The following QKI variants were observed in gnomAD, a reference collection of about 807,000 sequenced individuals.
The protein encoded by QKI is KH domain-containing RNA-binding protein QKI.
In QKI, 10 loss-of-function variants were observed where a neutral mutation model predicts 39.0. That is an observed-to-expected ratio of 0.26 (90% CI 0.16 to 0.43). QKI has a LOEUF of 0.43. QKI is among the 20% of genes least tolerant of loss of function. The pLI is 1.00. For synonymous variants in QKI, 204 were observed against 155.4 expected (o/e 1.31, Z -2.33); for missense variants, 218 against 428.0 (o/e 0.51, Z 4.33).
At position 163,414,731 on chromosome 6, in the gene QKI, GGCGGCA is replaced by G. The variant is rs1193822903; in HGVS notation, c.-455_-450del. Reference sequence around the variant, plus strand: ...AAGAGGAGGAGCGCAGTCGGAGCGCGGCGGCAGCGGCAGAGGCGCCGCGGCGGGGAC... The same window carrying G: ...AAGAGGAGGAGCGCAGTCGGAGCGCGGCGGCAGAGGCGCCGCGGCGGGGAC... On this transcript the variant is annotated 5_prime_UTR_variant, in exon 1 of 8. Transcript: ENST00000361752. The G allele has an allele frequency of 6.7e-6, 1 of 149,602 alleles. No individual in the cohort carries two copies. The highest frequency in any genetic ancestry group is 1.5e-5 in the Non-Finnish European group (1 of 67,616). 9.3% of individuals were successfully genotyped at this position (149,602 alleles called of 1,614,324 possible). A position where few individuals can be genotyped will look rare whatever the true frequency, so the allele number is the denominator to read the frequency against.
Position 163,515,909 on chromosome 6 carries a change from C to G in QKI, c.403-19073C>G, listed in dbSNP as rs986654428. ...TTCACTTTTTATTTTTATCTCAAAT[C>G]GGTCACCTCTTTGTGGTATAAGCTG... On this transcript the variant is annotated intron_variant, in intron 3 of 7. Coordinates refer to ENST00000361752, the MANE Select transcript of QKI (RefSeq NM_006775.3). Among the ~76,000 whole-genome samples the G allele has an allele frequency of 1.2e-4, 18 of 152,080 alleles. 1 individual carries two copies. Among genetic ancestry groups the G allele is most frequent in the Admixed American group, 1.2e-3 (18 of 15,262 alleles).
intron 1 of QKI, among the ~76,000 whole-genome samples, chr6:163,446,944 GAAAGA>G (rs1043640966): frequency 1.3e-5 from 2 of 152,112 alleles, no homozygotes; most frequent in African/African-American, 4.8e-5. Flanking sequence ...AAAATGGAGT[GAAAGA>G]AAAGGGCTAA....
At chr6:163,533,742 T>A (rs905637732) in intron 3 of QKI, among the ~76,000 whole-genome samples, 1 of 152,200 alleles carries the variant, frequency 6.6e-6, no homozygotes, top group Non-Finnish European at 1.5e-5. Context: ...AGTTCACTCT[T>A]TGGAAATACA....
intron 7 of QKI, chr6:163,567,658 G>A (rs1221865518): frequency 2.0e-5 from 20 of 984,888 alleles, no homozygotes; most frequent in East Asian, 2.3e-4. Flanking sequence ...TGGTATTTTC[G>A]GTTTATTGAC....
At chr6:163,524,000 G>C (rs1780317176) in intron 3 of QKI, among the ~76,000 whole-genome samples, 2 of 152,178 alleles carry the variant, frequency 1.3e-5, no homozygotes, top group African/African-American at 4.8e-5. Context: ...TTAAGGAGTA[G>C]GTAGTATTTG....
chr6:163,478,768 T>C lies in QKI; in HGVS notation c.286-12T>C. 6.5e-7 allele frequency: 1 copy of C among 1,547,514 alleles called. No individual in the cohort carries two copies. Among genetic ancestry groups the C allele is most frequent in the Non-Finnish European group, 8.8e-7 (1 of 1,132,078 alleles). On this transcript the variant is annotated splice_polypyrimidine_tract_variant and intron_variant, in intron 2 of 7. Transcript: ENST00000361752. ...TGAATAATGTATAGTGATCCTTTTT[T>C]TTTTTTCTCAGTTTAATTTTGTTGG...
chr6:163,456,510 TATG>T (rs1583021196), intron 2 of QKI, among the ~76,000 whole-genome samples: 2 of 152,180 alleles, frequency 1.3e-5, no homozygotes, highest in Non-Finnish European at 1.5e-5. Context: ...ATATCAAAAA[TATG>T]ATGTGCTCTA....
At chr6:163,450,987 C>T (rs1451931034) in intron 1 of QKI, among the ~76,000 whole-genome samples, 2 of 152,308 alleles carry the variant, frequency 1.3e-5, no homozygotes, top group Admixed American at 6.5e-5. Flanking sequence ...CCAAAGAAAT[C>T]TGTGCTCTAT....
chr6:163,433,610 T>C (rs1425864279), intron 1 of QKI, among the ~76,000 whole-genome samples: 1 of 151,930 alleles, frequency 6.6e-6, no homozygotes, highest in Non-Finnish European at 1.5e-5. Flanking sequence ...ACTAAAAATA[T>C]ACAAAAATTA....
At chr6:163,498,549 C>T (rs1778550618) in intron 3 of QKI, among the ~76,000 whole-genome samples, 2 of 151,976 alleles carry the variant, frequency 1.3e-5, no homozygotes, top group Admixed American at 1.3e-4. Flanking sequence ...CCCTCATCCC[C>T]CTTCACTTTC....
At chr6:163,486,144 A>G (rs1777662886) in intron 3 of QKI, among the ~76,000 whole-genome samples, 1 of 152,214 alleles carries the variant, frequency 6.6e-6, no homozygotes, top group Admixed American at 6.5e-5. Context: ...TCCAACGGAA[A>G]TGGAGGCTTA....
At chr6:163,503,228 T>C (rs548548248) in intron 3 of QKI, among the ~76,000 whole-genome samples, 46 of 149,632 alleles carry the variant, frequency 3.1e-4, no homozygotes, top group African/African-American at 9.6e-4. Flanking sequence ...GCAATCCACC[T>C]GCCTCTGCCT....
chr6:163,478,888 A>T lies in QKI; in HGVS notation c.394A>T (p.Lys132Ter), dbSNP rs1241329794. 1.3e-6 allele frequency: 2 copies of T among 1,596,868 alleles called. No homozygotes were observed. The highest frequency in any genetic ancestry group is 1.3e-5 in the African/African-American group (1 of 74,192). Reference protein sequence around the residue: ...MVRGKGSMRDKKKEEQNRGKP... With the variant: ...MVRGKGSMRD The stretch of plus-strand genomic sequence containing the variant: ...CCGAGGCAAAGGCTCAATGAGGGAT[A>T]AAAAAAAGGTAAGTCCTTGAAAATG... The change falls in exon 3 of 8, where the codon AAA becomes TAA. Residue 132 changes from lysine to a stop codon, truncating the protein, a stop_gained. Transcript: ENST00000361752. LOFTEE classifies it high-confidence loss of function.
intron 1 of QKI, among the ~76,000 whole-genome samples, chr6:163,452,392 A>G (rs1790635581): frequency 6.6e-6 from 1 of 152,156 alleles, no homozygotes; most frequent in Non-Finnish European, 1.5e-5. Flanking sequence ...TTAGAGACTG[A>G]AAAAAATCGT....
chr6:163,491,907 C>T (rs1778077493), intron 3 of QKI, among the ~76,000 whole-genome samples: 1 of 152,082 alleles, frequency 6.6e-6, no homozygotes, highest in Non-Finnish European at 1.5e-5. Context: ...AGTTAATTGC[C>T]CATGTCTAAT....
chr6:163,524,784 G>A (rs1460568292), intron 3 of QKI, among the ~76,000 whole-genome samples: 1 of 152,016 alleles, frequency 6.6e-6, no homozygotes, highest in African/African-American at 2.4e-5. Flanking sequence ...TATTTTCTAC[G>A]ATCATCTATT....
intron 3 of QKI, among the ~76,000 whole-genome samples, chr6:163,508,966 C>T (rs1017945802): frequency 6.6e-6 from 1 of 151,804 alleles, no homozygotes; most frequent in Admixed American, 6.6e-5. Flanking sequence ...TGGAGAAACC[C>T]CAACTCTACT....
At chr6:163,542,723 G>A (rs1009279950) in intron 4 of QKI, among the ~76,000 whole-genome samples, 1 of 151,944 alleles carries the variant, frequency 6.6e-6, no homozygotes, top group Non-Finnish European at 1.5e-5. Context: ...TTCTCTGTAT[G>A]TTTACTTTAT....
intron 1 of QKI, among the ~76,000 whole-genome samples, chr6:163,449,387 A>G (rs1790384059): frequency 2.0e-5 from 3 of 152,226 alleles, no homozygotes; most frequent in South Asian, 4.1e-4. Flanking sequence ...CTCCTGCTCT[A>G]GTACAATGAT....
Sources: gnomAD v4.1 joint callset for allele counts (sites outside exome capture counted in the v4.1 genomes callset) on GRCh38, gnomAD v4.1.1 for gene constraint, MANE v1.5 for transcripts, NCBI Gene and HGNC (gene_info 2026-07-23, HGNC 2026-07-21) for gene names.